Variants in PDE6A observed in about 807,000 individuals in gnomAD.
PDE6A encodes phosphodiesterase 6A.
A neutral mutation model predicts 106.3 loss-of-function variants in PDE6A; 84 were observed. The observed-to-expected ratio is 0.79, with a 90% CI of 0.66 to 0.95. The LOEUF (loss-of-function observed/expected upper bound fraction) is 0.95, where lower values mean the gene tolerates loss of function less well. PDE6A is among the 40% of genes least tolerant of loss of function. The probability of loss-of-function intolerance (pLI) is 0.00; values close to 1 mark genes in which losing one functional copy is unlikely to be tolerated. For synonymous variants in PDE6A, 394 were observed against 386.6 expected (o/e 1.02, Z -0.23); for missense variants, 1,052 against 1,084.9 (o/e 0.97, Z 0.43).
intron 1 of PDE6A, among the ~76,000 whole-genome samples, chr5:149,936,662 T>C: frequency 6.6e-6 from 1 of 152,224 alleles, no homozygotes; most frequent in Non-Finnish European, 1.5e-5. Context: ...ATGATCATTA[T>C]CATCCCTATA....
intron 8 of PDE6A, among the ~76,000 whole-genome samples, chr5:149,902,138 G>T (rs1220465072): frequency 6.6e-6 from 1 of 152,150 alleles, no homozygotes; most frequent in Non-Finnish European, 1.5e-5. Context: ...TGCAGGATCT[G>T]GTCTCTGTCC....
intron 13 of PDE6A, among the ~76,000 whole-genome samples, chr5:149,892,951 T>A (rs562661327): frequency 2.6e-5 from 4 of 152,350 alleles, no homozygotes; most frequent in African/African-American, 9.6e-5. Context: ...CCACTCCTGC[T>A]GAAAAACAGA....
chr5:149,930,903 T>A (rs1581209175), intron 4 of PDE6A, 125 bp downstream of exon 4: 2 of 1,001,092 alleles, frequency 2.0e-6, no homozygotes, highest in East Asian at 4.8e-5. Context: ...TGTAAGACTT[T>A]CTACAACCAT....
chr5:149,870,951 A>G (rs72830273), intron 17 of PDE6A, among the ~76,000 whole-genome samples: 15 of 111,954 alleles, frequency 1.3e-4, no homozygotes, highest in African/African-American at 5.1e-4. Context: ...GAGAAGAGAA[A>G]AGAAAAGAAA....
In PDE6A at chr5:149,907,391, A is replaced by G; in HGVS notation, c.999-13T>C. The G allele has an allele frequency of 6.2e-7, 1 of 1,611,524 alleles. No homozygotes were observed. Among genetic ancestry groups the G allele is most frequent in the Non-Finnish European group, 8.5e-7 (1 of 1,177,640 alleles). On this transcript the variant is annotated splice_polypyrimidine_tract_variant and intron_variant, in intron 6 of 21. Coordinates refer to ENST00000255266, the MANE Select transcript of PDE6A (RefSeq NM_000440.3). ...AGGAGGTGGATTCCTGTGAAGGCCA[A>G]AGACAAAACGGTGACTCTCAGTGCA...
At chr5:149,910,182 C>G (rs543243439) in intron 6 of PDE6A, among the ~76,000 whole-genome samples, 1 of 144,994 alleles carries the variant, frequency 6.9e-6, no homozygotes, top group South Asian at 2.2e-4. Flanking sequence ...TACTAATGCT[C>G]TTTGGTATGT....
At chr5:149,875,342 G>A in intron 17 of PDE6A, among the ~76,000 whole-genome samples, 1 of 152,080 alleles carries the variant, frequency 6.6e-6, no homozygotes, top group East Asian at 1.9e-4. Context: ...TGCATTACAG[G>A]TCTCCCAATA....
Position 149,884,935 on chromosome 5 carries a change from C to A in PDE6A, c.1839-68G>T, listed in dbSNP as rs532969344. On this transcript the variant is annotated intron_variant, in intron 14 of 21. Coordinates refer to ENST00000255266, the MANE Select transcript of PDE6A (RefSeq NM_000440.3). ...AAAATTAGGACTAAACATCAAGTCT[C>A]CTGACTCAGTCTTCAGCCTTCTCCA... The A allele has an allele frequency of 1.4e-4, 169 of 1,239,502 alleles. No homozygotes were observed. The African/African-American group carries it at 2.3e-3, about 17-fold the overall frequency. The allele number at this position is 1,239,502 out of a possible 1,614,324, so 76.8% of individuals were successfully genotyped here.
chr5:149,871,544 T>C (rs1760551911), intron 17 of PDE6A, among the ~76,000 whole-genome samples: 1 of 151,722 alleles, frequency 6.6e-6, no homozygotes, highest in Non-Finnish European at 1.5e-5. Context: ...AGAAGGATCA[T>C]CTAGTGTGCA....
chr5:149,903,147 TAA>T (rs373566897), intron 8 of PDE6A, among the ~76,000 whole-genome samples: 27 of 90,990 alleles, frequency 3.0e-4, no homozygotes, highest in South Asian at 1.4e-3. Flanking sequence ...AGACCCTCTC[TAA>T]AAAAAAAAAA....
chr5:149,934,582 G>A lies in PDE6A; in HGVS notation c.611C>T (p.Thr204Ile). Residue 204 changes from threonine to isoleucine, a missense_variant, in exon 2 of 22, where the codon ACC becomes ATC. Thr to Ile is a moderately conservative substitution (Grantham distance 89). Transcript: ENST00000255266. Reference sequence around the variant, plus strand: ...CATTCTTACCTCTTCATCTCTCTTGGTGAAGTGGGATCCATCCACTTTATT... The same window carrying A: ...CATTCTTACCTCTTCATCTCTCTTGATGAAGTGGGATCCATCCACTTTATT... ...AVNKVDGSHF[T>I]KRDEEILLKY... 1.2e-6 allele frequency: 2 copies of A among 1,614,034 alleles called. No individual in the cohort carries two copies. Among genetic ancestry groups the A allele is most frequent in the South Asian group, 1.1e-5 (1 of 91,080 alleles).
intron 6 of PDE6A, among the ~76,000 whole-genome samples, chr5:149,911,280 T>C (rs998125209): frequency 6.6e-6 from 1 of 152,188 alleles, no homozygotes; most frequent in Non-Finnish European, 1.5e-5. Flanking sequence ...TACTTCTCAG[T>C]CATTTTTCTA....
intron 12 of PDE6A, 145 bp downstream of exon 12, chr5:149,896,211 C>A: frequency 1.5e-6 from 1 of 677,762 alleles, no homozygotes; most frequent in Non-Finnish European, 2.5e-6. Flanking sequence ...ATAAATGACT[C>A]ATCTGTGCAA....
intron 5 of PDE6A, among the ~76,000 whole-genome samples, chr5:149,920,942 A>AAAAGAG (rs1554091219): frequency 3.7e-5 from 4 of 108,282 alleles, no homozygotes; most frequent in South Asian, 3.3e-4. Flanking sequence ...GAAAGAGAGA[A>AAAAGAG]AAAGAAAGAA....
intron 5 of PDE6A, among the ~76,000 whole-genome samples, chr5:149,920,909 AAAAG>A (rs1408173661): frequency 6.7e-6 from 1 of 148,390 alleles, no homozygotes; most frequent in Non-Finnish European, 1.5e-5. Flanking sequence ...GAGAGAGAAG[AAAAG>A]AAAGAAAGAA....
chr5:149,895,073 G>A, intron 13 of PDE6A, 110 bp downstream of exon 13: 1 of 754,184 alleles, frequency 1.3e-6, no homozygotes, highest in Non-Finnish European at 2.4e-6. Context: ...ACTCTTAAAA[G>A]ACAATAAATA....
chr5:149,885,279 C>A (rs1329937315), intron 14 of PDE6A, among the ~76,000 whole-genome samples: 1 of 152,220 alleles, frequency 6.6e-6, no homozygotes, highest in Non-Finnish European at 1.5e-5. Context: ...AATCTCTAGC[C>A]CCAGAGCAGC....
intron 8 of PDE6A, among the ~76,000 whole-genome samples, chr5:149,899,859 T>C (rs1377398324): frequency 6.6e-6 from 1 of 152,214 alleles, no homozygotes; most frequent in African/African-American, 2.4e-5. Flanking sequence ...GGCAGGGGAC[T>C]GGCTTAAAAG....
chr5:149,921,222 T>G (rs905946345), intron 5 of PDE6A, among the ~76,000 whole-genome samples: 2 of 152,254 alleles, frequency 1.3e-5, no homozygotes, highest in South Asian at 4.1e-4. Context: ...CTGTTTGGTC[T>G]ACCCCGCAAG....
Sources: allele counts gnomAD v4.1 joint callset (sites outside exome capture counted in the v4.1 genomes callset), GRCh38; gene constraint gnomAD v4.1.1; transcripts MANE v1.5; gene names NCBI Gene and HGNC (gene_info 2026-07-23, HGNC 2026-07-21).